Variants in THSD7B observed in about 807,000 individuals in gnomAD.
THSD7B encodes the protein thrombospondin type-1 domain-containing protein 7B.
In THSD7B, 138 loss-of-function variants were observed where a neutral mutation model predicts 213.6. The observed-to-expected ratio is 0.65, with a 90% CI of 0.56 to 0.74. The LOEUF (loss-of-function observed/expected upper bound fraction) is 0.74, where lower values mean the gene tolerates loss of function less well. Among genes scored for constraint, THSD7B ranks in the 30% least tolerant of loss-of-function variants. The pLI, the probability that THSD7B is intolerant of heterozygous loss-of-function variation, is 0.00. For synonymous variants in THSD7B, 742 were observed against 687.0 expected, an observed-to-expected ratio of 1.08 and a Z score of -1.25; for missense variants, 1,931 against 1,991.5, an observed-to-expected ratio of 0.97 and a Z score of 0.58.
intron 2 of THSD7B, among the ~76,000 whole-genome samples, chr2:136,941,296 A>C (rs1462669321): frequency 1.3e-5 from 2 of 152,174 alleles, no homozygotes; most frequent in Non-Finnish European, 2.9e-5. Context: ...TGCTGTTGTG[A>C]ATAGTGCCGC....
intron 15 of THSD7B, among the ~76,000 whole-genome samples, chr2:137,500,002 A>G (rs1220377874): frequency 6.6e-6 from 1 of 152,224 alleles, no homozygotes; most frequent in Non-Finnish European, 1.5e-5. Context: ...ACGATGATAA[A>G]GGACTATAGC....
rs764461449 is a variant in THSD7B, at chr2:136,796,685, T to G, written c.-36+30998T>G. ...TTGTGCTTCTTATCAATTCTGGGAG[T>G]TTTGAGTTCCTCTAAAGTCAATATT... is the stretch of plus-strand genomic sequence containing the variant. On this transcript the variant is annotated intron_variant, in intron 1 of 27. Transcript: ENST00000409968. 2.4e-4 allele frequency among the ~76,000 whole-genome samples: 37 copies of G among 151,990 alleles called. No homozygotes were observed. In the South Asian group the frequency reaches 5.2e-3, roughly 21 times the overall value.
intron 12 of THSD7B, among the ~76,000 whole-genome samples, chr2:137,344,615 G>C (rs925786832): frequency 2.0e-5 from 3 of 151,642 alleles, no homozygotes; most frequent in Non-Finnish European, 4.4e-5. Context: ...GGGAGTGTTA[G>C]AGCTAGTGCA....
intron 2 of THSD7B, among the ~76,000 whole-genome samples, chr2:137,002,511 A>C (rs1017218395): frequency 2.0e-5 from 3 of 152,034 alleles, no homozygotes; most frequent in African/African-American, 7.2e-5. Flanking sequence ...GTTTTTAAAA[A>C]CTTCCTTCAT....
chr2:137,113,492 A>G (rs934989880), intron 4 of THSD7B, among the ~76,000 whole-genome samples: 1 of 151,924 alleles, frequency 6.6e-6, no homozygotes, highest in South Asian at 2.1e-4. Context: ...GCTGGAGTGC[A>G]ATGGTGCAAT....
chr2:137,544,348 G>A (rs957456178), intron 15 of THSD7B, among the ~76,000 whole-genome samples: 1 of 151,592 alleles, frequency 6.6e-6, no homozygotes, highest in African/African-American at 2.4e-5. Context: ...AAAACAAAAG[G>A]CCATAGATTA....
intron 12 of THSD7B, among the ~76,000 whole-genome samples, chr2:137,328,385 A>G (rs1405412961): frequency 2.6e-5 from 4 of 152,232 alleles, no homozygotes; most frequent in Admixed American, 2.6e-4. Context: ...AATTTCATAG[A>G]GAACACTTTT....
chr2:136,957,914 T>C (rs1196379751), intron 2 of THSD7B, among the ~76,000 whole-genome samples: 1 of 152,198 alleles, frequency 6.6e-6, no homozygotes, highest in Non-Finnish European at 1.5e-5. Flanking sequence ...ATATGCTGCC[T>C]ATGTAAATCA....
chr2:137,296,392 C>A (rs1381080251), intron 12 of THSD7B, among the ~76,000 whole-genome samples: 1 of 152,096 alleles, frequency 6.6e-6, no homozygotes, highest in East Asian at 1.9e-4. Flanking sequence ...AAACACAGAA[C>A]TTACAACAAA....
At chr2:137,425,741 G>A (rs1453397053) in intron 14 of THSD7B, among the ~76,000 whole-genome samples, 2 of 152,064 alleles carry the variant, frequency 1.3e-5, no homozygotes, top group African/African-American at 4.8e-5. Context: ...GTCCTCAATG[G>A]TAAAAAGTTG....
chr2:136,859,761 A>T (rs17721075), intron 1 of THSD7B, among the ~76,000 whole-genome samples: 3,432 of 152,276 alleles, frequency 0.023, 67 homozygotes, highest in South Asian at 0.065. Context: ...GGCATTTTTT[A>T]AAAAGAGAAG....
intron 3 of THSD7B, among the ~76,000 whole-genome samples, chr2:137,090,470 T>G (rs1687930470): frequency 6.6e-6 from 1 of 152,182 alleles, no homozygotes; most frequent in South Asian, 2.1e-4. Context: ...TACCGCTGAT[T>G]TTTATTTTAT....
At chr2:136,858,417 T>C (rs945955339) in intron 1 of THSD7B, among the ~76,000 whole-genome samples, 1 of 152,232 alleles carries the variant, frequency 6.6e-6, no homozygotes, top group African/African-American at 2.4e-5. Context: ...TGTCTATTCA[T>C]GCCACACAAT....
Position 137,584,731 on chromosome 2 carries a change from G to A in THSD7B, c.3423+12175G>A, listed in dbSNP as rs756326432. Reference sequence around the variant, plus strand: ...AGGTTTTTGATGTGCTGCTGGATTCGGTTTGCAAGTATTTTATTGAGGATT... The same window carrying A: ...AGGTTTTTGATGTGCTGCTGGATTCAGTTTGCAAGTATTTTATTGAGGATT... On this transcript the variant is annotated intron_variant, in intron 17 of 27. Coordinates refer to ENST00000409968, the MANE Select transcript of THSD7B (RefSeq NM_001316349.2). Among the ~76,000 whole-genome samples, 26 of 152,224 alleles carry A rather than the reference G, an allele frequency of 1.7e-4. No individual in the cohort carries two copies. The South Asian group carries it at 2.7e-3, about 16-fold the overall frequency.
At chr2:137,454,148 TATA>T (rs1444116330) in intron 15 of THSD7B, among the ~76,000 whole-genome samples, 1 of 152,206 alleles carries the variant, frequency 6.6e-6, no homozygotes, top group Non-Finnish European at 1.5e-5. Context: ...TGCTGGATCA[TATA>T]ATGCTATTTT....
chr2:136,883,352 C>T (rs202166614), intron 2 of THSD7B, among the ~76,000 whole-genome samples: 1 of 124,892 alleles, frequency 8.0e-6, no homozygotes, highest in Non-Finnish European at 1.8e-5. Flanking sequence ...AAAAAAAAAA[C>T]ACAGCCACCA....
Position 137,001,398 on chromosome 2 carries a change from C to T in THSD7B, c.140-55022C>T, listed in dbSNP as rs563341555. The stretch of plus-strand genomic sequence containing the variant: ...ATGATATTGTGCCTTCACAATATAA[C>T]ACACCCTGGTTCTTGATGCAAGGAA... On this transcript the variant is annotated intron_variant, in intron 2 of 27. Transcript: ENST00000409968. 9.2e-5 allele frequency among the ~76,000 whole-genome samples: 14 copies of T among 152,232 alleles called. No individual in the cohort carries two copies. In the South Asian group the frequency reaches 2.7e-3, roughly 29 times the overall value.
chr2:137,177,861 A>G (rs573130647), intron 7 of THSD7B, among the ~76,000 whole-genome samples: 1 of 152,136 alleles, frequency 6.6e-6, no homozygotes, highest in Admixed American at 6.5e-5. Flanking sequence ...ACTTGAGGTC[A>G]GGAGATTGAG....
chr2:137,560,859 T>C (rs1026084320), intron 15 of THSD7B, among the ~76,000 whole-genome samples: 1 of 152,086 alleles, frequency 6.6e-6, no homozygotes, highest in Non-Finnish European at 1.5e-5. Flanking sequence ...CTGGCTTTAT[T>C]ATCTGGCTTA....
Sources: gnomAD v4.1 joint callset for allele counts (sites outside exome capture counted in the v4.1 genomes callset) on GRCh38, gnomAD v4.1.1 for gene constraint, MANE v1.5 for transcripts, NCBI Gene and HGNC (gene_info 2026-07-23, HGNC 2026-07-21) for gene names.